SUGCT: variants seen among roughly 807,000 people sequenced by gnomAD.
SUGCT encodes succinyl-CoA:glutarate CoA-transferase.
Under a neutral mutation model 55.0 loss-of-function variants are expected in SUGCT, and 41 were observed. The observed-to-expected ratio is 0.74, with a 90% confidence interval of 0.58 to 0.97. The LOEUF (loss-of-function observed/expected upper bound fraction) is 0.97. SUGCT is among the 50% of genes least tolerant of loss of function. The probability of loss-of-function intolerance (pLI) is 0.00; values close to 1 mark genes in which losing one functional copy is unlikely to be tolerated. For missense variants in SUGCT, 568 were observed against 547.8 expected, an observed-to-expected ratio of 1.04 and a Z score of -0.37; for synonymous variants, 187 against 200.4, an observed-to-expected ratio of 0.93 and a Z score of 0.56.
chr7:40,349,310 C>G (rs190358613), intron 9 of SUGCT, among the ~76,000 whole-genome samples: 1 of 152,192 alleles, frequency 6.6e-6, no homozygotes, highest in Admixed American at 6.5e-5. Flanking sequence ...CCTTTTGATA[C>G]ATTTGATTTG....
intron 11 of SUGCT, among the ~76,000 whole-genome samples, chr7:40,461,685 A>G (rs933662678): frequency 1.3e-5 from 2 of 152,222 alleles, no homozygotes; most frequent in Non-Finnish European, 2.9e-5. Context: ...CGTCTTGCTC[A>G]GCACATGCAT....
intron 13 of SUGCT, among the ~76,000 whole-genome samples, chr7:40,772,544 ATCTATC>A (rs1789191073): frequency 6.8e-6 from 1 of 146,740 alleles, no homozygotes; most frequent in Admixed American, 6.8e-5. Context: ...CTATCTATCT[ATCTATC>A]TATCTATCTA....
At position 40,676,538 on chromosome 7, in the gene SUGCT, T is replaced by A. The variant is rs1193413095; in HGVS notation, c.1090-72896T>A. ...TTTTTTTTGAGATGGAGCCTCACTCTGTTGCCCGGGCTGGAGTGCAGTGGC... is the reference window on the plus strand; with the variant it reads ...TTTTTTTTGAGATGGAGCCTCACTCAGTTGCCCGGGCTGGAGTGCAGTGGC... On this transcript the variant is annotated intron_variant, in intron 12 of 13. Transcript: ENST00000335693. Among the ~76,000 whole-genome samples, 3 of 148,946 alleles carry A rather than the reference T, an allele frequency of 2.0e-5. No homozygotes were observed. In the East Asian group the frequency reaches 6.0e-4, roughly 30 times the overall value.
chr7:40,814,878 A>G (rs997792651), intron 13 of SUGCT, among the ~76,000 whole-genome samples: 4 of 151,754 alleles, frequency 2.6e-5, no homozygotes, highest in Non-Finnish European at 5.9e-5. Flanking sequence ...CTTGCCTATA[A>G]TATTATTTTT....
chr7:40,137,822 G>A (rs887207114), intron 1 of SUGCT, among the ~76,000 whole-genome samples: 5 of 151,790 alleles, frequency 3.3e-5, no homozygotes, highest in South Asian at 2.1e-4. Flanking sequence ...GCTGAAACCA[G>A]AAGTGTGTGC....
At chr7:40,288,885 G>A (rs1793529333) in intron 8 of SUGCT, among the ~76,000 whole-genome samples, 2 of 152,210 alleles carry the variant, frequency 1.3e-5, no homozygotes, top group East Asian at 3.9e-4. Flanking sequence ...AGTCTCAATA[G>A]CCACATGTGG....
chr7:40,312,910 C>G (rs1236855522), intron 8 of SUGCT, among the ~76,000 whole-genome samples: 1 of 152,130 alleles, frequency 6.6e-6, no homozygotes, highest in Non-Finnish European at 1.5e-5. Flanking sequence ...TTTTACCTGT[C>G]ACACTTGGTT....
intron 6 of SUGCT, among the ~76,000 whole-genome samples, chr7:40,212,070 T>G (rs1787369822): frequency 6.6e-6 from 1 of 151,990 alleles, no homozygotes; most frequent in Non-Finnish European, 1.5e-5. Context: ...ACTTTTTCTG[T>G]AAAGTGCCAG....
chr7:40,319,969 C>G (rs4398808), intron 9 of SUGCT, among the ~76,000 whole-genome samples: 83,844 of 151,422 alleles, frequency 0.55, 24,454 homozygotes, highest in Non-Finnish European at 0.66. Context: ...CTACAGGTAC[C>G]AGCCACAGTG....
At chr7:40,676,501 TTTG>T (rs1170543753) in intron 12 of SUGCT, among the ~76,000 whole-genome samples, 25 of 135,782 alleles carry the variant, frequency 1.8e-4, no homozygotes, top group South Asian at 1.3e-3. Context: ...GGTTTTGTTT[TTTG>T]TTTTTTTTTT....
chr7:40,457,678 C>T (rs987240515), intron 10 of SUGCT, among the ~76,000 whole-genome samples: 7 of 152,100 alleles, frequency 4.6e-5, no homozygotes, highest in East Asian at 1.9e-4. Context: ...CTTTGGCCAA[C>T]GATTTCACAC....
chr7:40,325,097 C>T (rs1309824439), intron 9 of SUGCT, among the ~76,000 whole-genome samples: 1 of 152,144 alleles, frequency 6.6e-6, no homozygotes, highest in African/African-American at 2.4e-5. Context: ...CTCAGACAGG[C>T]AGTAAATTCC....
the SUGCT span, among the ~76,000 whole-genome samples, chr7:40,990,230 C>A: frequency 2.0e-5 from 3 of 152,214 alleles, no homozygotes; most frequent in Non-Finnish European, 4.4e-5. Context: ...ACATTAATCT[C>A]CTCACACATC....
chr7:40,188,456 C>G, intron 3 of SUGCT, 39 bp from the exon 4 acceptor site: 1 of 610,636 alleles, frequency 1.6e-6, no homozygotes, highest in Admixed American at 4.0e-5. Context: ...AAAAAAAAAA[C>G]AAACCCCAAA....
At chr7:40,849,217 A>G (rs1006197290) in intron 13 of SUGCT, among the ~76,000 whole-genome samples, 6 of 152,222 alleles carry the variant, frequency 3.9e-5, no homozygotes, top group Non-Finnish European at 8.8e-5. Flanking sequence ...GAAGTTGATG[A>G]TACCCATGTC....
intron 12 of SUGCT, among the ~76,000 whole-genome samples, chr7:40,677,507 C>A (rs1256049001): frequency 6.6e-6 from 1 of 152,160 alleles, no homozygotes; most frequent in East Asian, 1.9e-4. Flanking sequence ...AGATAGCTAC[C>A]TCAACCCCAG....
chr7:40,367,135 A>T (rs1784026712), intron 9 of SUGCT, among the ~76,000 whole-genome samples: 1 of 152,006 alleles, frequency 6.6e-6, no homozygotes, highest in Non-Finnish European at 1.5e-5. Context: ...TGAAATTGGA[A>T]ATCATCATTC....
intron 13 of SUGCT, among the ~76,000 whole-genome samples, chr7:40,812,230 G>A (rs1463048265): frequency 2.0e-5 from 3 of 152,034 alleles, no homozygotes; most frequent in South Asian, 2.1e-4. Context: ...TGGTATCAGG[G>A]TGATGTTAGA....
At chr7:40,693,184 T>C (rs1180333802) in intron 12 of SUGCT, among the ~76,000 whole-genome samples, 1 of 152,176 alleles carries the variant, frequency 6.6e-6, no homozygotes, top group East Asian at 1.9e-4. Flanking sequence ...TTGTGAGTGA[T>C]TATGAGCCTG....
Sources: gnomAD v4.1 joint callset for allele counts (sites outside exome capture counted in the v4.1 genomes callset) on GRCh38, gnomAD v4.1.1 for gene constraint, MANE v1.5 for transcripts, NCBI Gene and HGNC (gene_info 2026-07-23, HGNC 2026-07-21) for gene names.